Variants in AKNAD1 observed in about 807,000 individuals in gnomAD.
AKNAD1 encodes the protein protein AKNAD1.
In AKNAD1, 67 loss-of-function variants were observed where a neutral mutation model predicts 90.8. That is an observed-to-expected ratio of 0.74 (90% CI 0.61 to 0.90). The LOEUF is 0.90. Ranked by LOEUF, AKNAD1 falls within the 40% of genes least tolerant of loss-of-function variation. The probability of loss-of-function intolerance (pLI) is 0.00; values close to 1 mark genes in which losing one functional copy is unlikely to be tolerated. For synonymous variants in AKNAD1, 327 were observed against 341.4 expected, an observed-to-expected ratio of 0.96 and a Z score of 0.46; for missense variants, 957 against 975.4, an observed-to-expected ratio of 0.98 and a Z score of 0.25.
chr1:108,826,939 A>G (rs1015403871), intron 11 of AKNAD1, among the ~76,000 whole-genome samples: 1 of 150,830 alleles, frequency 6.6e-6, no homozygotes, highest in African/African-American at 2.4e-5. Flanking sequence ...ATGGAATGTC[A>G]CCATGTTGGC....
rs1374276411 is a variant in AKNAD1, at chr1:108,830,577, C to G, written c.1820G>C (p.Cys607Ser). The change falls in exon 10 of 16, where the codon TGT becomes TCT. Residue 607 changes from cysteine to serine, a missense_variant. Cys to Ser is a moderately radical substitution (Grantham distance 112). Transcript: ENST00000370001. The part of the protein sequence containing the change: ...MTAPSPSCAF[C>S]RRLLEWKQNV... Reference sequence around the variant, plus strand: ...CCCTCACCATTCAAGGAGCCTGCGACAGAAGGCACAGCTCGGACTGGGTGC... The same window carrying G: ...CCCTCACCATTCAAGGAGCCTGCGAGAGAAGGCACAGCTCGGACTGGGTGC... The G allele has an allele frequency of 8.7e-6, 14 of 1,614,114 alleles. No homozygotes were observed. The highest frequency in any genetic ancestry group is 1.0e-5 in the Non-Finnish European group (12 of 1,180,028).
intron 5 of AKNAD1, 39 bp from the exon 6 acceptor site, chr1:108,843,306 C>T: frequency 6.2e-7 from 1 of 1,608,200 alleles, no homozygotes; most frequent in South Asian, 1.1e-5. Flanking sequence ...CACATGCAAG[C>T]CTGTGTGTGT....
In AKNAD1 at chr1:108,851,855, A is replaced by G; in HGVS notation, c.810T>C (p.Ile270=). 6.2e-7 allele frequency: 1 copy of G among 1,613,532 alleles called. No homozygotes were observed. The highest frequency in any genetic ancestry group is 8.5e-7 in the Non-Finnish European group (1 of 1,179,892). ...GTTTATTAATTATCTTATTTTTAGG[A>G]ATTTTCACTTTGGGAGCAATCTTAG... ...DFSKIAPKVK[I]PKNKIINKPL... The change falls in exon 2 of 16, where the codon ATT becomes ATC. Residue 270 remains isoleucine, a synonymous_variant. Coordinates refer to ENST00000370001, the MANE Select transcript of AKNAD1 (RefSeq NM_152763.5).
At chr1:108,833,897 A>G (rs1664290487) in intron 9 of AKNAD1, among the ~76,000 whole-genome samples, 1 of 151,340 alleles carries the variant, frequency 6.6e-6, no homozygotes, top group South Asian at 2.1e-4. Flanking sequence ...TTTCTAAACT[A>G]CTCTTCCTCT....
chr1:108,850,592 T>A (rs372174920), intron 2 of AKNAD1, among the ~76,000 whole-genome samples: 1 of 151,252 alleles, frequency 6.6e-6, no homozygotes, highest in African/African-American at 2.4e-5. Context: ...AGGCATTCAG[T>A]TGAAAGAGAG....
chr1:108,839,280 T>C (rs1202386972), intron 6 of AKNAD1, among the ~76,000 whole-genome samples: 1 of 152,050 alleles, frequency 6.6e-6, no homozygotes, highest in Non-Finnish European at 1.5e-5. Flanking sequence ...GGTCAGGAGA[T>C]CAAGACCATA....
At chr1:108,822,826 G>A (rs749552363) in intron 13 of AKNAD1, among the ~76,000 whole-genome samples, 2 of 152,052 alleles carry the variant, frequency 1.3e-5, no homozygotes, top group African/African-American at 2.4e-5. Context: ...CCTTATTTGG[G>A]TATGAGTTTC....
At position 108,826,866 on chromosome 1, in the gene AKNAD1, A is replaced by G. The variant is rs1664013527; in HGVS notation, c.1936+339T>C. 2.7e-5 allele frequency among the ~76,000 whole-genome samples: 4 copies of G among 149,982 alleles called. No homozygotes were observed. In the Admixed American group the frequency reaches 2.7e-4, roughly 10 times the overall value. On this transcript the variant is annotated intron_variant, in intron 11 of 15. Transcript: ENST00000370001. The stretch of plus-strand genomic sequence containing the variant: ...GCAATCTTCCCACCTTAGTCTCCCA[A>G]GTAGCTGGGACTACAGGCGTGAGCC...
chr1:108,831,800 G>A (rs184749339), intron 9 of AKNAD1, among the ~76,000 whole-genome samples: 1 of 152,036 alleles, frequency 6.6e-6, no homozygotes, highest in Admixed American at 6.6e-5. Context: ...CTAATTTTTT[G>A]TATTTTTAGT....
In AKNAD1 at chr1:108,852,181, T is replaced by G; in HGVS notation, c.484A>C (p.Lys162Gln). The change falls in exon 2 of 16, where the codon AAA (lysine) becomes CAA (glutamine). Residue 162 changes from lysine (K) to glutamine (Q), a missense_variant. Lys to Gln is a moderately conservative substitution (Grantham distance 53, BLOSUM62 1). Transcript: ENST00000370001. ...ISCYNKNSWP[K>Q]EQTPELTDQL... is the part of the protein sequence containing the mutation. ...TCAGTGAGTTCTGGGGTTTGTTCTTTTGGCCAAGAATTCTTATTATAACAT... is the reference window on the plus strand; with the variant it reads ...TCAGTGAGTTCTGGGGTTTGTTCTTGTGGCCAAGAATTCTTATTATAACAT... 1.2e-6 allele frequency: 2 copies of G among 1,613,836 alleles called. No homozygotes were observed. The highest frequency in any genetic ancestry group is 1.7e-6 in the Non-Finnish European group (2 of 1,179,974).
chr1:108,834,348 T>C (rs183287338), intron 9 of AKNAD1, 99 bp downstream of exon 9: 9 of 1,046,670 alleles, frequency 8.6e-6, no homozygotes, highest in South Asian at 1.5e-5. Context: ...TAAGTGATCT[T>C]GATTATGCCA....
Position 108,817,130 on chromosome 1 carries a change from G to A in AKNAD1, c.2297C>T (p.Pro766Leu), listed in dbSNP as rs570475827. ...CCTGCAGGAGTAGAAATGGGGTGAGGGTGTTGCAGGGTCTGAGCTGTAGGT... is the reference window on the plus strand; with the variant it reads ...CCTGCAGGAGTAGAAATGGGGTGAGAGTGTTGCAGGGTCTGAGCTGTAGGT... The part of the protein sequence containing the change: ...FMTYSSDPAT[P>L]SPHFYSCRIS... The change falls in exon 15 of 16, where the codon CCC (proline) becomes CTC (leucine). Residue 766 changes from proline to leucine, a missense_variant. Pro to Leu is a moderately conservative substitution (Grantham distance 98, BLOSUM62 -3). Transcript: ENST00000370001. 6 of 1,614,080 alleles carry A rather than the reference G, an allele frequency of 3.7e-6. No homozygotes were observed. The highest frequency in any genetic ancestry group is 1.6e-4 in the Middle Eastern group (1 of 6,062).
chr1:108,822,066 T>C (rs1005889295), intron 13 of AKNAD1, among the ~76,000 whole-genome samples: 5 of 152,098 alleles, frequency 3.3e-5, no homozygotes, highest in African/African-American at 4.8e-5. Flanking sequence ...GAAGAGGCAC[T>C]AATGAGCTCA....
intron 1 of AKNAD1, among the ~76,000 whole-genome samples, chr1:108,856,663 G>A (rs1166108083): frequency 6.6e-6 from 1 of 151,964 alleles, no homozygotes; most frequent in Non-Finnish European, 1.5e-5. Context: ...CAGAGATCAT[G>A]CCACTGCACT....
intron 1 of AKNAD1, 21 bp from the exon 2 acceptor site, chr1:108,852,788 C>A: frequency 1.2e-6 from 1 of 821,304 alleles, no homozygotes; most frequent in Non-Finnish European, 1.8e-6. Context: ...TGAGAACAGC[C>A]TCATTGTTAA....
chr1:108,829,229 G>A (rs1000818691), intron 10 of AKNAD1, among the ~76,000 whole-genome samples: 4 of 151,734 alleles, frequency 2.6e-5, no homozygotes, highest in South Asian at 2.1e-4. Flanking sequence ...GATTCACTGT[G>A]AGATTTGATT....
chr1:108,856,671 A>G (rs1337065593), intron 1 of AKNAD1, among the ~76,000 whole-genome samples: 1 of 151,798 alleles, frequency 6.6e-6, no homozygotes, highest in Non-Finnish European at 1.5e-5. Flanking sequence ...ATGCCACTGC[A>G]CTCCAGCCTG....
intron 6 of AKNAD1, among the ~76,000 whole-genome samples, chr1:108,841,577 G>A (rs531927684): frequency 1.4e-4 from 21 of 152,204 alleles, no homozygotes; most frequent in African/African-American, 4.1e-4. Context: ...ATAATGAGAA[G>A]GCTTTAATAA....
rs570560533 is a variant in AKNAD1 at position 108,843,169 on chromosome 1, G to A, written c.1344C>T (p.His448=). ...CAAAGTCACCAACGATTGTTGATTC[G>A]TGCTTGTGGACTTGCTGCTGCAAAG... ...HLTLQQQVHK[H]ESTIVGDFDP... is the part of the protein sequence containing the mutation. The change falls in exon 6 of 16, where the codon CAC becomes CAT. Residue 448 remains histidine (H), a synonymous_variant. Transcript: ENST00000370001. The A allele has an allele frequency of 1.9e-5, 30 of 1,614,102 alleles. No individual in the cohort carries two copies. The highest frequency in any genetic ancestry group is 3.3e-5 in the Admixed American group (2 of 60,014).
Sources: gnomAD v4.1 joint callset for allele counts (sites outside exome capture counted in the v4.1 genomes callset) on GRCh38, gnomAD v4.1.1 for gene constraint, MANE v1.5 for transcripts, NCBI Gene and HGNC (gene_info 2026-07-23, HGNC 2026-07-21) for gene names.